SRBD1: variants seen among roughly 807,000 people sequenced by gnomAD.
SRBD1 encodes the protein S1 RNA binding domain 1.
SRBD1 carries 88 observed loss-of-function variants against 115.3 expected under a neutral mutation model. That is an observed-to-expected ratio of 0.76 (90% confidence interval 0.64 to 0.91). SRBD1 has a LOEUF of 0.91. Ranked by LOEUF, SRBD1 falls within the 40% of genes least tolerant of loss-of-function variation. SRBD1 has a pLI of 0.00. For missense variants in SRBD1, 1,385 were observed against 1,177.4 expected, an observed-to-expected ratio of 1.18 and a Z score of -2.58; for synonymous variants, 509 against 407.7, an observed-to-expected ratio of 1.25 and a Z score of -2.99.
At chr2:45,498,694 G>A (rs6714683) in intron 14 of SRBD1, among the ~76,000 whole-genome samples, 119,584 of 152,020 alleles carry the variant, frequency 0.79, 47,471 homozygotes, top group Non-Finnish European at 0.83. Context: ...TCTACTCTCT[G>A]TCTCCATGAG....
intron 19 of SRBD1, among the ~76,000 whole-genome samples, chr2:45,411,199 A>C (rs1272450130): frequency 6.6e-6 from 1 of 152,162 alleles, no homozygotes; most frequent in Non-Finnish European, 1.5e-5. Context: ...TCTGCTGGAT[A>C]ATCTGCTGCA....
At chr2:45,468,057 T>G (rs1465692707) in intron 16 of SRBD1, among the ~76,000 whole-genome samples, 1 of 152,186 alleles carries the variant, frequency 6.6e-6, no homozygotes. Flanking sequence ...GTTCCCATTT[T>G]TCTCTCGTTC....
chr2:45,560,361 T>G (rs1672623599), intron 10 of SRBD1, among the ~76,000 whole-genome samples: 1 of 152,204 alleles, frequency 6.6e-6, no homozygotes, highest in South Asian at 2.1e-4. Context: ...ATTATGAATA[T>G]TTACAGAAAA....
In SRBD1 at chr2:45,581,756, C is replaced by T; in HGVS notation, c.870G>A (p.Lys290=). The T allele has an allele frequency of 1.9e-6, 3 of 1,613,528 alleles. No homozygotes were observed. Among genetic ancestry groups the T allele is most frequent in the South Asian group, 1.1e-5 (1 of 91,052 alleles). ...TGGCTTTTAACAAGCACTCAGACAT[C>T]TTCCCTTCCTTCTTAATTTTCTGGA... is the stretch of plus-strand genomic sequence containing the variant. ...STIQKIKKEG[K]MSECLLKAML... Residue 290 remains lysine, a synonymous_variant, in exon 6 of 21, where the codon AAG becomes AAA. Coordinates refer to ENST00000263736, the MANE Select transcript of SRBD1 (RefSeq NM_018079.5).
chr2:45,548,628 T>C (rs1253625487), intron 12 of SRBD1, among the ~76,000 whole-genome samples: 4 of 151,580 alleles, frequency 2.6e-5, no homozygotes, highest in Non-Finnish European at 5.9e-5. Context: ...CTAAGGAAAG[T>C]GTGACTTGAC....
intron 14 of SRBD1, among the ~76,000 whole-genome samples, chr2:45,493,202 G>A (rs540044578): frequency 3.3e-5 from 5 of 152,224 alleles, no homozygotes; most frequent in African/African-American, 4.8e-5. Flanking sequence ...GAAACATATC[G>A]TGAGAGGTTA....
intron 9 of SRBD1, among the ~76,000 whole-genome samples, chr2:45,564,745 A>C (rs1036407465): frequency 2.6e-5 from 4 of 152,240 alleles, no homozygotes; most frequent in Non-Finnish European, 5.9e-5. Context: ...GCATGTGTTG[A>C]CTTACACGTG....
At chr2:45,454,240 T>C (rs1381159278) in intron 16 of SRBD1, among the ~76,000 whole-genome samples, 1 of 151,910 alleles carries the variant, frequency 6.6e-6, no homozygotes, top group Non-Finnish European at 1.5e-5. Context: ...TGTCAATGTG[T>C]AAGATCGTGG....
intron 1 of SRBD1, among the ~76,000 whole-genome samples, chr2:45,608,124 T>C (rs71422164): frequency 6.6e-6 from 1 of 152,166 alleles, no homozygotes; most frequent in Non-Finnish European, 1.5e-5. Context: ...GTGTTTAAAA[T>C]AGGGACAGGC....
intron 5 of SRBD1, among the ~76,000 whole-genome samples, chr2:45,582,888 T>C (rs530643579): frequency 4.3e-4 from 65 of 152,268 alleles, no homozygotes; most frequent in Middle Eastern, 3.4e-3. Flanking sequence ...GCACCCATAA[T>C]TGGTTTCCAA....
In SRBD1 at chr2:45,546,850, G is replaced by C. The variant is rs1469577196; in HGVS notation, c.1767-11C>G. On this transcript the variant is annotated splice_polypyrimidine_tract_variant and intron_variant, in intron 13 of 20. Transcript: ENST00000263736. Reference sequence around the variant, plus strand: ...ACTACTGTGCTGCAGCTTCAAGGCAGAAACAGAATGACAAACTGAATTTCA... The same window carrying C: ...ACTACTGTGCTGCAGCTTCAAGGCACAAACAGAATGACAAACTGAATTTCA... 1.9e-6 allele frequency: 3 copies of C among 1,612,140 alleles called. No individual in the cohort carries two copies. Among genetic ancestry groups the C allele is most frequent in the Admixed American group, 1.7e-5 (1 of 59,996 alleles).
At chr2:45,459,293 A>T (rs1023534555) in intron 16 of SRBD1, among the ~76,000 whole-genome samples, 1 of 152,164 alleles carries the variant, frequency 6.6e-6, no homozygotes, top group Non-Finnish European at 1.5e-5. Flanking sequence ...TCCCTGTGCA[A>T]CACGTCCTGT....
intron 14 of SRBD1, among the ~76,000 whole-genome samples, chr2:45,541,443 C>T (rs1462968789): frequency 6.6e-6 from 1 of 152,198 alleles, no homozygotes; most frequent in Non-Finnish European, 1.5e-5. Flanking sequence ...TGTTTCAGAT[C>T]CACCATTTGG....
chr2:45,517,781 G>C (rs1206700710), intron 14 of SRBD1, among the ~76,000 whole-genome samples: 1 of 152,142 alleles, frequency 6.6e-6, no homozygotes, highest in Non-Finnish European at 1.5e-5. Context: ...GATAGTTTGA[G>C]CCCAGAGGTG....
intron 10 of SRBD1, among the ~76,000 whole-genome samples, chr2:45,556,447 A>ATTTTTTTTTTTTTTTTTT (rs1491091849): frequency 1.4e-5 from 1 of 72,140 alleles, no homozygotes; most frequent in Non-Finnish European, 2.9e-5. Flanking sequence ...ATGCTCTATT[A>ATTTTTTTTTTTTTTTTTT]CTTTTTTTTT....
At chr2:45,556,514 G>C (rs1279927237) in intron 10 of SRBD1, among the ~76,000 whole-genome samples, 2 of 131,948 alleles carry the variant, frequency 1.5e-5, no homozygotes, top group Non-Finnish European at 3.1e-5. Flanking sequence ...CCAGGCTGGA[G>C]TGCAGAGGCA....
Position 45,599,797 on chromosome 2 carries a change from G to GTC in SRBD1, c.298_299dup (p.Asp100GlufsTer13). 1 of 1,613,720 alleles carries GTC rather than the reference G, an allele frequency of 6.2e-7. No homozygotes were observed. The highest frequency in any genetic ancestry group is 1.1e-5 in the South Asian group (1 of 91,026). On this transcript the variant is annotated frameshift_variant, in exon 4 of 21. Coordinates refer to ENST00000263736, the MANE Select transcript of SRBD1 (RefSeq NM_018079.5). LOFTEE classifies it high-confidence loss of function. ...GTACAGTATCCAATTTATTTTTTCT[G>GTC]TCTTCTAAAGCAGTATCAGCAATAG...
rs914527980 is a variant in SRBD1 at position 45,595,321 on chromosome 2, T to A, written c.648+4128A>T. Among the ~76,000 whole-genome samples, 6 of 152,354 alleles carry A rather than the reference T, an allele frequency of 3.9e-5. No individual in the cohort carries two copies. The East Asian group carries it at 9.6e-4, about 24-fold the overall frequency. ...TTGTGGCCAAGGCCATGGGGAATAG[T>A]ACACAAAATAAAGGATATATAAATG... is the stretch of plus-strand genomic sequence containing the variant. On this transcript the variant is annotated intron_variant, in intron 4 of 20. Coordinates refer to ENST00000263736, the MANE Select transcript of SRBD1 (RefSeq NM_018079.5).
chr2:45,397,282 A>C (rs1572590939), intron 19 of SRBD1, among the ~76,000 whole-genome samples: 1 of 152,290 alleles, frequency 6.6e-6, no homozygotes, highest in East Asian at 1.9e-4. Flanking sequence ...TTACTCTAAA[A>C]ATCTGTTACT....
Sources: allele counts gnomAD v4.1 joint callset (sites outside exome capture counted in the v4.1 genomes callset), GRCh38; gene constraint gnomAD v4.1.1; transcripts MANE v1.5; gene names NCBI Gene and HGNC (gene_info 2026-07-23, HGNC 2026-07-21).